Variants in VWF observed in about 807,000 individuals in gnomAD.
VWF encodes von Willebrand factor.
A neutral mutation model predicts 308.6 loss-of-function variants in VWF; 176 were observed. That is an observed-to-expected ratio of 0.57 (90% CI 0.50 to 0.65). The LOEUF (loss-of-function observed/expected upper bound fraction) is 0.65, where lower values mean the gene tolerates loss of function less well. Among genes scored for constraint, VWF ranks in the 30% least tolerant of loss-of-function variants. VWF has a pLI of 0.00. For missense variants in VWF, 3,146 were observed against 3,648.2 expected, an observed-to-expected ratio of 0.86 and a Z score of 3.55; for synonymous variants, 1,385 against 1,443.4, an observed-to-expected ratio of 0.96 and a Z score of 0.92.
At chr12:6,033,272 T>C (rs1423517873) in intron 20 of VWF, among the ~76,000 whole-genome samples, 1 of 152,200 alleles carries the variant, frequency 6.6e-6, no homozygotes. Flanking sequence ...CAAAGGAGGA[T>C]GGCAGAAAGG....
intron 3 of VWF, among the ~76,000 whole-genome samples, chr12:6,118,774 G>A (rs748263442): frequency 5.3e-5 from 8 of 152,070 alleles, no homozygotes; most frequent in Non-Finnish European, 7.4e-5. Flanking sequence ...CAGCTCTGCC[G>A]TGATTTATAA....
chr12:6,121,370 A>C (rs752672624), intron 2 of VWF, 32 bp from the exon 3 acceptor site: 1 of 1,610,800 alleles, frequency 6.2e-7, no homozygotes, highest in African/African-American at 1.3e-5. Context: ...TGGGCTGGTG[A>C]TCTCAGGGCA....
intron 18 of VWF, among the ~76,000 whole-genome samples, chr12:6,042,671 C>A (rs563286033): frequency 6.6e-6 from 1 of 152,342 alleles, no homozygotes; most frequent in African/African-American, 2.4e-5. Flanking sequence ...CCTCAGAATG[C>A]ATGCCCAGTG....
intron 3 of VWF, among the ~76,000 whole-genome samples, chr12:6,113,438 C>T (rs1945332714): frequency 2.0e-5 from 3 of 151,864 alleles, no homozygotes; most frequent in African/African-American, 7.3e-5. Flanking sequence ...GCTGGGACTA[C>T]AGGTGCCCGC....
intron 32 of VWF, among the ~76,000 whole-genome samples, chr12:6,013,008 T>C (rs1000867168): frequency 1.1e-4 from 16 of 152,178 alleles, no homozygotes; most frequent in African/African-American, 3.9e-4. Context: ...GCCAAAAGCA[T>C]ATTTTTTAAG....
intron 3 of VWF, among the ~76,000 whole-genome samples, chr12:6,119,736 G>C (rs533334639): frequency 6.6e-6 from 1 of 152,188 alleles, no homozygotes; most frequent in Non-Finnish European, 1.5e-5. Flanking sequence ...CAGCTACTTG[G>C]GAGGCTGAGG....
chr12:6,056,540 G>T (rs1021009836), intron 15 of VWF, among the ~76,000 whole-genome samples: 1 of 152,160 alleles, frequency 6.6e-6, no homozygotes, highest in East Asian at 1.9e-4. Context: ...GACCTTCTGT[G>T]CTGAACGAAC....
In VWF at chr12:6,024,028, AT is replaced by A. The variant is rs1944164296; in HGVS notation, c.3223-242del. ...TGCTGCTGGCCTTCTGCAGAACACA[AT>A]GAGCCTGAGGATTTTCCAGAAGAAC... On this transcript the variant is annotated intron_variant, in intron 24 of 51. Coordinates refer to ENST00000261405, the MANE Select transcript of VWF (RefSeq NM_000552.5). This position sits in a 1 kb window ranked among gnomAD's most constrained non-coding sequence, Gnocchi z 4.0. Among the ~76,000 whole-genome samples, 1 of 152,210 alleles carries A rather than the reference AT, an allele frequency of 6.6e-6. No individual in the cohort carries two copies. The highest frequency in any genetic ancestry group is 2.4e-5 in the African/African-American group (1 of 41,448).
intron 10 of VWF, among the ~76,000 whole-genome samples, chr12:6,067,861 T>C (rs1454881428): frequency 1.3e-5 from 2 of 151,716 alleles, no homozygotes; most frequent in Admixed American, 1.3e-4. Context: ...GGCCGGGCCG[T>C]CATGGCTCAT....
intron 34 of VWF, among the ~76,000 whole-genome samples, chr12:6,007,557 T>C (rs1367501522): frequency 6.6e-6 from 1 of 152,134 alleles, no homozygotes; most frequent in African/African-American, 2.4e-5. Flanking sequence ...GCAAAGCTTA[T>C]GGGAAACAGC....
intron 31 of VWF, 102 bp from the exon 32 acceptor site, chr12:6,013,747 C>T (rs1010500307): frequency 1.5e-6 from 2 of 1,377,848 alleles, no homozygotes; most frequent in African/African-American, 2.8e-5. Flanking sequence ...TCATGTTTTC[C>T]AGGCTGGTCA....
At chr12:6,057,608 CTT>C (rs61458766) in intron 14 of VWF, among the ~76,000 whole-genome samples, 20 of 134,540 alleles carry the variant, frequency 1.5e-4, no homozygotes, top group African/African-American at 4.1e-4. Flanking sequence ...CCTCGGTAGA[CTT>C]TTTTTTTTTT....
At chr12:6,088,865 T>C (rs1337702242) in intron 6 of VWF, among the ~76,000 whole-genome samples, 1 of 152,212 alleles carries the variant, frequency 6.6e-6, no homozygotes, top group African/African-American at 2.4e-5. Flanking sequence ...TCAGTCCCAG[T>C]GGAGACAGGC....
chr12:5,963,072 A>T (rs1266919422), intron 47 of VWF, among the ~76,000 whole-genome samples: 1 of 152,242 alleles, frequency 6.6e-6, no homozygotes, highest in Non-Finnish European at 1.5e-5. Context: ...ATGGACAAAA[A>T]CTTCTTAAAC....
At chr12:5,955,587 T>G (rs1285539981) in intron 47 of VWF, among the ~76,000 whole-genome samples, 1 of 152,134 alleles carries the variant, frequency 6.6e-6, no homozygotes, top group African/African-American at 2.4e-5. Context: ...ATGGTGTATA[T>G]GTGCCACATT....
At chr12:5,964,165 C>T (rs544007736) in intron 47 of VWF, among the ~76,000 whole-genome samples, 29 of 146,518 alleles carry the variant, frequency 2.0e-4, no homozygotes, top group Non-Finnish European at 3.2e-4. Flanking sequence ...TGCAGTGAGC[C>T]GAGATCTCAC....
chr12:5,964,234 A>ACATACATGCATGCATGCATACATG (rs1555189784), intron 47 of VWF, among the ~76,000 whole-genome samples: 1 of 144,114 alleles, frequency 6.9e-6, no homozygotes, highest in African/African-American at 2.9e-5. Context: ...ATACATACAT[A>ACATACATGCATGCATGCATACATG]CATACATACA....
rs772353813 is a variant in VWF at position 6,025,567 on chromosome 12, T to G, written c.3222+13A>C. ...TGGGACCGTCTGCTTCCCACTACCC[T>G]CAAGGTCCTCACCAGCTTGTTGCAG... is the stretch of plus-strand genomic sequence containing the variant. On this transcript the variant is annotated intron_variant, in intron 24 of 51. Transcript: ENST00000261405. 7 of 1,487,166 alleles carry G rather than the reference T, an allele frequency of 4.7e-6. No individual in the cohort carries two copies. The highest frequency in any genetic ancestry group is 6.6e-6 in the Non-Finnish European group (7 of 1,067,052). The allele number at this position is 1,487,166 out of a possible 1,614,324, so 92.1% of individuals were successfully genotyped here.
rs375991463 is a variant in VWF, at chr12:5,969,217, G to A, written c.7723C>T (p.Arg2575Cys). Residue 2575 changes from arginine to cysteine, a missense_variant, in exon 45 of 52, where the codon CGC becomes TGC. Physicochemically the swap from Arg to Cys is radical, Grantham distance 180. This residue lies in a region of VWF where 989 missense variants were observed against 1,117.4 expected (regional missense o/e 0.89). Transcript: ENST00000261405. ...CCCAGCCTGCATGCCTTACCACAGC[G>A]ACAGCTTGGGCAGCACGCTGAGGTC... ...CKTSACCPSC[R>C]CERMEACMLN... 65 of 1,612,780 alleles carry A rather than the reference G, an allele frequency of 4.0e-5. No homozygotes were observed. Among genetic ancestry groups the A allele is most frequent in the African/African-American group, 5.3e-5 (4 of 74,918 alleles).
Sources: allele counts gnomAD v4.1 joint callset (sites outside exome capture counted in the v4.1 genomes callset), GRCh38; gene constraint gnomAD v4.1.1; regional missense constraint gnomAD v4.1.1; non-coding constraint Gnocchi (gnomAD v3.1); transcripts MANE v1.5; gene names NCBI Gene and HGNC (gene_info 2026-07-23, HGNC 2026-07-21).